The following TDRD5 variants were observed in gnomAD, a reference collection of about 807,000 sequenced individuals.
TDRD5 encodes the protein tudor domain-containing protein 5.
TDRD5 carries 41 observed loss-of-function variants against 120.6 expected under a neutral mutation model. The observed-to-expected ratio is 0.34, with a 90% CI of 0.26 to 0.44. The LOEUF (loss-of-function observed/expected upper bound fraction) is 0.44, where lower values mean the gene tolerates loss of function less well. TDRD5 is among the 20% of genes least tolerant of loss of function. The probability of loss-of-function intolerance (pLI) is 1.00; values close to 1 mark genes in which losing one functional copy is unlikely to be tolerated. For missense variants in TDRD5, 1,006 were observed against 1,221.2 expected, an observed-to-expected ratio of 0.82 and a Z score of 2.63; for synonymous variants, 430 against 433.7, an observed-to-expected ratio of 0.99 and a Z score of 0.11.
At chr1:179,656,310 C>T (rs776003338) in intron 14 of TDRD5, among the ~76,000 whole-genome samples, 6 of 151,924 alleles carry the variant, frequency 3.9e-5, no homozygotes, top group Non-Finnish European at 8.8e-5. Flanking sequence ...TTTGAGAGTT[C>T]TTTATATATT....
At chr1:179,668,358 G>T (rs1481422632) in intron 16 of TDRD5, among the ~76,000 whole-genome samples, 1 of 152,198 alleles carries the variant, frequency 6.6e-6, no homozygotes, top group Non-Finnish European at 1.5e-5. Flanking sequence ...CTGTCTGACT[G>T]GGAGGTGGTG....
intron 17 of TDRD5, among the ~76,000 whole-genome samples, chr1:179,672,677 A>G (rs957628100): frequency 3.9e-5 from 6 of 152,184 alleles, no homozygotes; most frequent in Non-Finnish European, 5.9e-5. Flanking sequence ...GCCTAAGCCA[A>G]TGTCTAGAAG....
At chr1:179,677,653 G>A (rs1680207048) in intron 17 of TDRD5, among the ~76,000 whole-genome samples, 1 of 152,156 alleles carries the variant, frequency 6.6e-6, no homozygotes, top group African/African-American at 2.4e-5. Flanking sequence ...TGGAGCTACT[G>A]GGCTCTGGGC....
rs372250743 is a variant in TDRD5 at position 179,593,515 on chromosome 1, C to T, written c.288C>T (p.Ser96=). 1.5e-4 allele frequency: 244 copies of T among 1,614,044 alleles called. No homozygotes were observed. The highest frequency in any genetic ancestry group is 1.9e-4 in the Non-Finnish European group (223 of 1,180,000). Residue 96 remains serine (S), a synonymous_variant, in exon 3 of 18, where the codon AGC becomes AGT. Transcript: ENST00000444136. ...GIASLVAKQR[S]SHKLRNSMHK... Reference sequence around the variant, plus strand: ...CAAGCTTAGTTGCAAAACAGAGGAGCAGCCATAAGCTTCGAAACTCAATGC... The same window carrying T: ...CAAGCTTAGTTGCAAAACAGAGGAGTAGCCATAAGCTTCGAAACTCAATGC...
chr1:179,618,631 G>T lies in TDRD5; in HGVS notation c.864G>T (p.Gln288His). Residue 288 changes from glutamine to histidine, a missense_variant, in exon 5 of 18, where the codon CAG becomes CAT. Coordinates refer to ENST00000444136, the MANE Select transcript of TDRD5 (RefSeq NM_001199085.3). ...ACACATTCAAATCAGTTATTGCACA[G>T]ATTGGACCTGGAGGAACTATCAGTT... is the stretch of plus-strand genomic sequence containing the variant. ...LENTFKSVIA[Q>H]IGPGGTISSE... is the part of the protein sequence containing the mutation. 1 of 1,598,224 alleles carries T rather than the reference G, an allele frequency of 6.3e-7. No individual in the cohort carries two copies. Among genetic ancestry groups the T allele is most frequent in the Non-Finnish European group, 8.5e-7 (1 of 1,173,898 alleles).
chr1:179,649,562 C>T (rs1678598481), intron 11 of TDRD5, among the ~76,000 whole-genome samples: 1 of 151,356 alleles, frequency 6.6e-6, no homozygotes, highest in African/African-American at 2.4e-5. Flanking sequence ...TATGTTTTTA[C>T]CTTCTAAAAC....
intron 11 of TDRD5, among the ~76,000 whole-genome samples, chr1:179,650,104 T>C (rs995972621): frequency 4.6e-5 from 7 of 152,128 alleles, no homozygotes; most frequent in Non-Finnish European, 1.0e-4. Flanking sequence ...TTGATGTCTG[T>C]CTCGTTTGTC....
Position 179,688,718 on chromosome 1 carries a change from A to G in TDRD5, c.2861-1978A>G, listed in dbSNP as rs578098114. ...AGATTTGGTCTTTTCACATAGTCCC[A>G]TATTTCTTGGAGGCTTTGTTCATTT... On this transcript the variant is annotated intron_variant, in intron 17 of 17. Transcript: ENST00000444136. Among the ~76,000 whole-genome samples, 71 of 152,288 alleles carry G rather than the reference A, an allele frequency of 4.7e-4. 1 individual carries two copies. The South Asian group carries it at 0.014, about 30-fold the overall frequency.
intron 4 of TDRD5, among the ~76,000 whole-genome samples, chr1:179,596,438 G>A (rs1278263931): frequency 1.3e-5 from 2 of 152,076 alleles, no homozygotes; most frequent in African/African-American, 4.8e-5. Flanking sequence ...ATAAAAAACA[G>A]AACATTTCCA....
chr1:179,630,963 C>A, intron 7 of TDRD5, 43 bp downstream of exon 7: 1 of 1,548,160 alleles, frequency 6.5e-7, no homozygotes, highest in African/African-American at 1.4e-5. Context: ...TTTTTATTGT[C>A]CTTATGAGGA....
intron 14 of TDRD5, among the ~76,000 whole-genome samples, chr1:179,658,054 G>A (rs1679101569): frequency 6.6e-6 from 1 of 152,090 alleles, no homozygotes. Flanking sequence ...TGCTTTTTTA[G>A]ATTCCACATG....
At chr1:179,655,635 T>G (rs1435454495) in intron 14 of TDRD5, among the ~76,000 whole-genome samples, 1 of 152,162 alleles carries the variant, frequency 6.6e-6, no homozygotes, top group African/African-American at 2.4e-5. Context: ...CCCTAGCAAC[T>G]GGTCTGGGGT....
intron 4 of TDRD5, among the ~76,000 whole-genome samples, chr1:179,612,935 CAAAAAAAAAA>C (rs35980053): frequency 3.4e-5 from 3 of 88,470 alleles, no homozygotes; most frequent in Non-Finnish European, 4.6e-5. Flanking sequence ...GACTTTGTCT[CAAAAAAAAAA>C]AAAAAAAAAA....
intron 9 of TDRD5, among the ~76,000 whole-genome samples, chr1:179,637,921 G>A (rs1175199640): frequency 1.3e-5 from 2 of 152,216 alleles, no homozygotes; most frequent in African/African-American, 2.4e-5. Context: ...AGATAATTGA[G>A]CTAGGCCTCA....
chr1:179,681,741 T>TG (rs1293061998), intron 17 of TDRD5, among the ~76,000 whole-genome samples: 1 of 150,802 alleles, frequency 6.6e-6, no homozygotes, highest in Non-Finnish European at 1.5e-5. Flanking sequence ...AAAATTAATT[T>TG]TTTTTCTGTC....
At chr1:179,599,692 C>G (rs1011020611) in intron 4 of TDRD5, among the ~76,000 whole-genome samples, 1 of 152,070 alleles carries the variant, frequency 6.6e-6, no homozygotes, top group African/African-American at 2.4e-5. Context: ...TTATCTGTCT[C>G]TATCTCTCTC....
chr1:179,594,942 A>G (rs1192896051), intron 3 of TDRD5, among the ~76,000 whole-genome samples: 1 of 152,218 alleles, frequency 6.6e-6, no homozygotes, highest in Non-Finnish European at 1.5e-5. Context: ...AATTTATTGA[A>G]TAGTGGGGGG....
chr1:179,610,322 A>T (rs1004936423), intron 4 of TDRD5, among the ~76,000 whole-genome samples: 3 of 152,194 alleles, frequency 2.0e-5, no homozygotes, highest in Non-Finnish European at 2.9e-5. Flanking sequence ...TGTGCCAAAG[A>T]AGCCTGAAAC....
rs1447183181 is a variant in TDRD5 at position 179,652,161 on chromosome 1, A to G, written c.2124A>G (p.Ile708Met). ...ACTATTTTAATGAAGACCGAAAGAT[A>G]AGTCCACAGTCAAAAGAGAGTGAGT... Reference protein sequence around the residue: ...QQHYFNEDRKISPQSKESELR... With the variant: ...QQHYFNEDRKMSPQSKESELR... The change falls in exon 13 of 18, where the codon ATA becomes ATG. Residue 708 changes from isoleucine (I) to methionine (M), a missense_variant. Transcript: ENST00000444136. The G allele has an allele frequency of 1.4e-5, 23 of 1,613,640 alleles. No individual in the cohort carries two copies. Among genetic ancestry groups the G allele is most frequent in the Non-Finnish European group, 1.8e-5 (21 of 1,179,920 alleles).
Sources: gnomAD v4.1 joint callset for allele counts (sites outside exome capture counted in the v4.1 genomes callset) on GRCh38, gnomAD v4.1.1 for gene constraint, MANE v1.5 for transcripts, NCBI Gene and HGNC (gene_info 2026-07-23, HGNC 2026-07-21) for gene names.